Variants in CLSTN2 observed in about 807,000 individuals in gnomAD.
The protein encoded by CLSTN2 is calsyntenin-2.
A neutral mutation model predicts 101.2 loss-of-function variants in CLSTN2; 48 were observed. The observed-to-expected ratio is 0.47, with a 90% CI of 0.38 to 0.60. The LOEUF (loss-of-function observed/expected upper bound fraction) is 0.60. CLSTN2 is among the 20% of genes least tolerant of loss of function. The probability of loss-of-function intolerance (pLI) is 0.00; values close to 1 mark genes in which losing one functional copy is unlikely to be tolerated. For synonymous variants in CLSTN2, 481 were observed against 463.6 expected (o/e 1.04, Z -0.48); for missense variants, 1,160 against 1,238.2 (o/e 0.94, Z 0.95).
At chr3:140,556,946 T>G (rs1050304847) in intron 11 of CLSTN2, 1 of 364,960 alleles carries the variant, frequency 2.7e-6, no homozygotes, top group Admixed American at 4.3e-5. Context: ...AGCTAGGAAT[T>G]TGAAGTGATC....
chr3:139,973,342 G>A (rs1299193584), intron 1 of CLSTN2, among the ~76,000 whole-genome samples: 1 of 152,216 alleles, frequency 6.6e-6, no homozygotes, highest in Non-Finnish European at 1.5e-5. Flanking sequence ...TCCAGCCACA[G>A]GCTTGTTAGT....
At chr3:140,153,517 A>G (rs1441892364) in intron 1 of CLSTN2, among the ~76,000 whole-genome samples, 5 of 152,218 alleles carry the variant, frequency 3.3e-5, no homozygotes, top group African/African-American at 1.2e-4. Flanking sequence ...TGAAAGAGCT[A>G]TGAAGCCTGG....
chr3:140,563,883 A>T, intron 15 of CLSTN2, 78 bp from the exon 16 acceptor site: 1 of 1,422,244 alleles, frequency 7.0e-7, no homozygotes, highest in Non-Finnish European at 9.8e-7. Context: ...CTATGCACGG[A>T]TGTTTCATTC....
In CLSTN2 at chr3:140,149,231, A is replaced by G. The variant is rs528467425; in HGVS notation, c.110-26720A>G. On this transcript the variant is annotated intron_variant, in intron 1 of 16. Coordinates refer to ENST00000458420, the MANE Select transcript of CLSTN2 (RefSeq NM_022131.3). Reference sequence around the variant, plus strand: ...GAGAGTGAACAAGTATATCTCAAGTATCTACTCCTACAGGGGTGTCAGCAT... The same window carrying G: ...GAGAGTGAACAAGTATATCTCAAGTGTCTACTCCTACAGGGGTGTCAGCAT... Among the ~76,000 whole-genome samples the G allele has an allele frequency of 1.4e-4, 22 of 152,260 alleles. 1 individual carries two copies. The East Asian group carries it at 2.3e-3, about 16-fold the overall frequency.
At chr3:140,260,969 C>T (rs536663960) in intron 2 of CLSTN2, among the ~76,000 whole-genome samples, 8 of 152,220 alleles carry the variant, frequency 5.3e-5, no homozygotes, top group African/African-American at 4.8e-5. Flanking sequence ...GGGTGAGGTA[C>T]CCCTTTTCAT....
intron 8 of CLSTN2, among the ~76,000 whole-genome samples, chr3:140,484,644 T>C (rs1371582220): frequency 6.6e-6 from 1 of 152,234 alleles, no homozygotes; most frequent in Non-Finnish European, 1.5e-5. Context: ...CCCATATTTC[T>C]TGGAGGCTTT....
chr3:140,210,319 A>G (rs2010838668), intron 2 of CLSTN2, among the ~76,000 whole-genome samples: 1 of 152,232 alleles, frequency 6.6e-6, no homozygotes, highest in Admixed American at 6.5e-5. Context: ...TATGTTTGCA[A>G]GGATGTAACT....
intron 1 of CLSTN2, among the ~76,000 whole-genome samples, chr3:139,957,890 ACTCACAGT>A (rs1482868186): frequency 6.6e-6 from 1 of 152,126 alleles, no homozygotes; most frequent in Non-Finnish European, 1.5e-5. Flanking sequence ...TTTCTTGGGC[ACTCACAGT>A]CTCAGAATCG....
intron 2 of CLSTN2, among the ~76,000 whole-genome samples, chr3:140,288,496 T>C (rs2086919107): frequency 6.6e-6 from 1 of 152,210 alleles, no homozygotes; most frequent in South Asian, 2.1e-4. Flanking sequence ...TCAGCAGTGC[T>C]ACTTGAGAAA....
At chr3:140,471,226 G>A (rs1933840052) in intron 8 of CLSTN2, among the ~76,000 whole-genome samples, 1 of 152,180 alleles carries the variant, frequency 6.6e-6, no homozygotes, top group Non-Finnish European at 1.5e-5. Flanking sequence ...GCACACACAG[G>A]ATAGGTTGAC....
Position 140,466,542 on chromosome 3 carries a change from G to A in CLSTN2, c.1223-68G>A. ...TGTGCTGTGCTAAGTGAGTGAGCAG[G>A]AAGACTCCTCTGGTGGAGGCTGACA... On this transcript the variant is annotated intron_variant, in intron 7 of 16. Transcript: ENST00000458420. The A allele has an allele frequency of 1.9e-6, 3 of 1,602,708 alleles. 1 individual carries two copies. The South Asian group carries it at 3.4e-5, about 18-fold the overall frequency.
intron 6 of CLSTN2, chr3:140,454,835 A>C (rs1242145332): frequency 6.6e-6 from 1 of 152,180 alleles, no homozygotes; most frequent in African/African-American, 2.4e-5. Context: ...TCACATGCAC[A>C]CATATTTCAT....
intron 1 of CLSTN2, among the ~76,000 whole-genome samples, chr3:140,006,815 AAATAGTAGCTCTATC>A (rs2006968251): frequency 6.6e-6 from 1 of 152,196 alleles, no homozygotes; most frequent in East Asian, 1.9e-4. Context: ...GGTACTCAGT[AAATAGTAGCTCTATC>A]AATAGTAGCT....
At chr3:140,007,272 G>A (rs969934730) in intron 1 of CLSTN2, among the ~76,000 whole-genome samples, 6 of 152,244 alleles carry the variant, frequency 3.9e-5, no homozygotes, top group African/African-American at 1.4e-4. Context: ...AGACAGATCT[G>A]AGTTGAGACT....
intron 2 of CLSTN2, among the ~76,000 whole-genome samples, chr3:140,183,257 A>C (rs2107832616): frequency 6.6e-6 from 1 of 152,300 alleles, no homozygotes; most frequent in South Asian, 2.1e-4. Flanking sequence ...TCCCTCATTA[A>C]GGTTGAAAGG....
intron 2 of CLSTN2, among the ~76,000 whole-genome samples, chr3:140,314,491 C>T (rs2087209173): frequency 6.6e-6 from 1 of 152,182 alleles, no homozygotes; most frequent in Non-Finnish European, 1.5e-5. Context: ...ATGTGCCACT[C>T]CCCTAGAGGC....
chr3:139,981,258 C>G (rs1208603272), intron 1 of CLSTN2, among the ~76,000 whole-genome samples: 1 of 152,186 alleles, frequency 6.6e-6, no homozygotes, highest in Non-Finnish European at 1.5e-5. Context: ...TGTGAAAACG[C>G]AGTGATATTT....
intron 16 of CLSTN2, 82 bp from the exon 17 acceptor site, chr3:140,565,971 T>G: frequency 1.3e-6 from 2 of 1,564,912 alleles, no homozygotes; most frequent in Non-Finnish European, 1.7e-6. Flanking sequence ...AAATGTTTCC[T>G]TAATGGATGG....
chr3:139,943,583 T>A (rs1424128780), intron 1 of CLSTN2, among the ~76,000 whole-genome samples: 1 of 152,170 alleles, frequency 6.6e-6, no homozygotes, highest in Non-Finnish European at 1.5e-5. Context: ...TCCTGGGGTG[T>A]CTACTTCCAC....
Sources: gnomAD v4.1 joint callset for allele counts (sites outside exome capture counted in the v4.1 genomes callset) on GRCh38, gnomAD v4.1.1 for gene constraint, MANE v1.5 for transcripts, NCBI Gene and HGNC (gene_info 2026-07-23, HGNC 2026-07-21) for gene names.